XRCC6: variants seen among roughly 807,000 people sequenced by gnomAD.
The protein encoded by XRCC6 is DNA repair protein Ku70.
A neutral mutation model predicts 65.7 loss-of-function variants in XRCC6; 5 were observed. The observed-to-expected ratio is 0.08, with a 90% CI of 0.04 to 0.16. The LOEUF (loss-of-function observed/expected upper bound fraction) is 0.16, where lower values mean the gene tolerates loss of function less well. Among genes scored for constraint, XRCC6 ranks in the 10% least tolerant of loss-of-function variants. The probability of loss-of-function intolerance (pLI) is 1.00; values close to 1 mark genes in which losing one functional copy is unlikely to be tolerated. For synonymous variants in XRCC6, 270 were observed against 270.6 expected, an observed-to-expected ratio of 1.00 and a Z score of 0.02; for missense variants, 447 against 738.1, an observed-to-expected ratio of 0.61 and a Z score of 4.57.
intron 9 of XRCC6, among the ~76,000 whole-genome samples, chr22:41,654,719 G>A (rs972420669): frequency 2.6e-5 from 4 of 152,194 alleles, no homozygotes; most frequent in Admixed American, 6.5e-5. Flanking sequence ...GTGAAGCTCA[G>A]AGAAGGCCCC....
chr22:41,632,461 A>C (rs2067765832), intron 3 of XRCC6, among the ~76,000 whole-genome samples: 2 of 151,998 alleles, frequency 1.3e-5, no homozygotes, highest in African/African-American at 4.8e-5. Context: ...AAATACAAAA[A>C]TTAGCCGGGC....
chr22:41,623,937 G>A (rs1260133049), intron 2 of XRCC6, among the ~76,000 whole-genome samples: 1 of 151,782 alleles, frequency 6.6e-6, no homozygotes, highest in African/African-American at 2.4e-5. Flanking sequence ...TGGCCAGGCT[G>A]GTCTTGAACT....
chr22:41,660,558 G>C (rs1049634219), intron 11 of XRCC6, among the ~76,000 whole-genome samples: 1 of 152,044 alleles, frequency 6.6e-6, no homozygotes, highest in Non-Finnish European at 1.5e-5. Flanking sequence ...TCCTTGGCAG[G>C]CATCCCAGCT....
intron 3 of XRCC6, 116 bp downstream of exon 3, chr22:41,628,346 C>T (rs895788894): frequency 1.0e-5 from 8 of 802,042 alleles, no homozygotes; most frequent in Admixed American, 2.9e-5. Context: ...ATCACTTGAG[C>T]CTAGGAGTTT....
At chr22:41,631,729 G>T (rs2067755045) in intron 3 of XRCC6, among the ~76,000 whole-genome samples, 1 of 151,806 alleles carries the variant, frequency 6.6e-6, no homozygotes. Flanking sequence ...ACGGGGTGGC[G>T]GCCGGGCAGA....
At position 41,646,991 on chromosome 22, in the gene XRCC6, G is replaced by A; in HGVS notation, c.869G>A (p.Arg290Gln). The change falls in exon 7 of 13, where the codon CGG becomes CAG. Residue 290 changes from arginine to glutamine, a missense_variant. Physicochemically the swap from Arg to Gln is conservative, Grantham distance 43. Coordinates refer to ENST00000360079, the MANE Select transcript of XRCC6 (RefSeq NM_001469.5). ...ALKPPPIKLY[R>Q]ETNEPVKTKT... ...AAGCCTCCTCCAATAAAGCTCTATCGGGAAACAAATGAACCAGTGAAAACC... is the reference window on the plus strand; with the variant it reads ...AAGCCTCCTCCAATAAAGCTCTATCAGGAAACAAATGAACCAGTGAAAACC... 3 of 1,614,114 alleles carry A rather than the reference G, an allele frequency of 1.9e-6. No homozygotes were observed. Among genetic ancestry groups the A allele is most frequent in the Non-Finnish European group, 2.5e-6 (3 of 1,180,024 alleles).
chr22:41,657,071 T>A (rs769838947), intron 10 of XRCC6, 39 bp downstream of exon 10: 1 of 1,529,658 alleles, frequency 6.5e-7, no homozygotes, highest in South Asian at 1.3e-5. Context: ...GCCTCCTGAG[T>A]TGAAAATCTT....
intron 6 of XRCC6, 137 bp from the exon 7 acceptor site, chr22:41,646,759 A>G (rs575072753): frequency 2.8e-6 from 2 of 725,624 alleles, no homozygotes; most frequent in Non-Finnish European, 4.5e-6. Flanking sequence ...GTATTATTAA[A>G]AAGCATATTT....
chr22:41,659,411 T>C (rs2068079227), intron 11 of XRCC6, among the ~76,000 whole-genome samples: 1 of 152,010 alleles, frequency 6.6e-6, no homozygotes, highest in Non-Finnish European at 1.5e-5. Flanking sequence ...GGGGTTTCAC[T>C]GGGTTAGGAT....
chr22:41,649,441 A>G (rs986043100), intron 7 of XRCC6, among the ~76,000 whole-genome samples: 1 of 151,442 alleles, frequency 6.6e-6, no homozygotes, highest in Non-Finnish European at 1.5e-5. Context: ...CTCACAAAGT[A>G]TTGGGATTAC....
At chr22:41,629,204 C>T (rs1013930221) in intron 3 of XRCC6, among the ~76,000 whole-genome samples, 1 of 152,048 alleles carries the variant, frequency 6.6e-6, no homozygotes, top group Non-Finnish European at 1.5e-5. Flanking sequence ...GTTCTTGTTT[C>T]TTTAAATTGA....
intron 3 of XRCC6, among the ~76,000 whole-genome samples, chr22:41,633,192 G>C (rs1462633784): frequency 6.6e-6 from 1 of 152,036 alleles, no homozygotes; most frequent in Non-Finnish European, 1.5e-5. Flanking sequence ...TTAATTTAAA[G>C]TGGTTCTCAA....
chr22:41,645,680 G>A (rs928853695), intron 6 of XRCC6, among the ~76,000 whole-genome samples: 4 of 151,458 alleles, frequency 2.6e-5, no homozygotes, highest in African/African-American at 7.3e-5. Flanking sequence ...TTATTTTGAT[G>A]GGGCTTTATT....
intron 3 of XRCC6, among the ~76,000 whole-genome samples, chr22:41,634,667 C>G (rs542466161): frequency 4.1e-4 from 63 of 152,230 alleles, no homozygotes; most frequent in African/African-American, 1.5e-3. Flanking sequence ...GCCTCAACCT[C>G]CTGAGTAGCT....
intron 11 of XRCC6, among the ~76,000 whole-genome samples, chr22:41,660,429 C>T (rs915972084): frequency 2.0e-5 from 3 of 152,088 alleles, no homozygotes; most frequent in African/African-American, 7.2e-5. Context: ...CCTGCCAGTT[C>T]TGTCACTTCT....
At chr22:41,631,144 AC>A (rs1287269358) in intron 3 of XRCC6, among the ~76,000 whole-genome samples, 22 of 136,534 alleles carry the variant, frequency 1.6e-4, no homozygotes, top group Non-Finnish European at 3.2e-4. Context: ...CGGGGGGCTG[AC>A]CCCCCCACCT....
At chr22:41,652,234 A>C (rs1167779321) in intron 8 of XRCC6, among the ~76,000 whole-genome samples, 1 of 110,340 alleles carries the variant, frequency 9.1e-6, no homozygotes, top group African/African-American at 2.6e-5. Flanking sequence ...TTATTTGTGC[A>C]GTCTAGACCC....
intron 2 of XRCC6, among the ~76,000 whole-genome samples, chr22:41,625,449 G>C: frequency 6.6e-6 from 1 of 152,196 alleles, no homozygotes; most frequent in East Asian, 1.9e-4. Context: ...TGACCAACAT[G>C]ATGAAACCCC....
intron 9 of XRCC6, among the ~76,000 whole-genome samples, chr22:41,655,522 C>T (rs1044724651): frequency 1.3e-5 from 2 of 151,444 alleles, no homozygotes; most frequent in East Asian, 2.0e-4. Flanking sequence ...CTGGCTAACA[C>T]GGTGAAACCG....
Sources: allele counts gnomAD v4.1 joint callset (sites outside exome capture counted in the v4.1 genomes callset), GRCh38; gene constraint gnomAD v4.1.1; transcripts MANE v1.5; gene names NCBI Gene and HGNC (gene_info 2026-07-23, HGNC 2026-07-21).